Variants in RABGAP1L observed in about 807,000 individuals in gnomAD.
RABGAP1L encodes rab GTPase-activating protein 1-like.
Under a neutral mutation model 137.7 loss-of-function variants are expected in RABGAP1L, and 63 were observed. The ratio of observed to expected loss-of-function variants is 0.46; its 90% confidence interval spans 0.37 to 0.56. The LOEUF (loss-of-function observed/expected upper bound fraction) is 0.56. Ranked by LOEUF, RABGAP1L falls within the 20% of genes least tolerant of loss-of-function variation. The pLI is 0.00. For synonymous variants in RABGAP1L, 431 were observed against 433.7 expected (o/e 0.99, Z 0.08); for missense variants, 1,095 against 1,244.0 (o/e 0.88, Z 1.80).
At chr1:174,279,588 A>C (rs1449000970) in intron 10 of RABGAP1L, among the ~76,000 whole-genome samples, 4 of 152,184 alleles carry the variant, frequency 2.6e-5, no homozygotes, top group African/African-American at 7.2e-5. Context: ...TATTAAAAAA[A>C]CTGCCATGGC....
intron 11 of RABGAP1L, among the ~76,000 whole-genome samples, chr1:174,327,100 G>T (rs1242528451): frequency 6.6e-6 from 1 of 152,024 alleles, no homozygotes; most frequent in East Asian, 1.9e-4. Flanking sequence ...ATGCTACTGG[G>T]TAACATGAAA....
At chr1:174,585,074 AATAGTTTTTAATAT>A (rs1572403723) in intron 13 of RABGAP1L, among the ~76,000 whole-genome samples, 5 of 152,346 alleles carry the variant, frequency 3.3e-5, no homozygotes, top group Non-Finnish European at 7.3e-5. Context: ...GTAAAATATT[AATAGTTTTTAATAT>A]AGATTACATG....
chr1:174,591,850 CAT>C (rs1669654243), intron 13 of RABGAP1L, among the ~76,000 whole-genome samples: 1 of 1,344 alleles, frequency 7.4e-4, no homozygotes, highest in Non-Finnish European at 1.1e-3. Flanking sequence ...TTTTTGGTTC[CAT>C]ATGAACTTTA....
In RABGAP1L at chr1:174,448,842, T is replaced by C; in HGVS notation, c.1710+54697T>C. ...GAGATAAATGACCGAAGAGCCCGAT[T>C]CCCTAGTCATGAGGTAGATTCTTCC... On this transcript the variant is annotated intron_variant, in intron 13 of 25. Coordinates refer to ENST00000681986, the MANE Select transcript of RABGAP1L (RefSeq NM_001366446.1). This position sits in a 1 kb window ranked among gnomAD's most constrained non-coding sequence, Gnocchi z 4.2. The C allele has an allele frequency of 6.2e-7, 1 of 1,614,112 alleles. No individual in the cohort carries two copies. Among genetic ancestry groups the C allele is most frequent in the Non-Finnish European group, 8.5e-7 (1 of 1,179,984 alleles).
chr1:174,321,970 C>G (rs1441153929), intron 11 of RABGAP1L, among the ~76,000 whole-genome samples: 1 of 147,358 alleles, frequency 6.8e-6, no homozygotes. Context: ...TATTAGAGTT[C>G]TTTATATATA....
intron 17 of RABGAP1L, among the ~76,000 whole-genome samples, chr1:174,716,110 GTTT>G (rs754170476): frequency 2.5e-4 from 38 of 152,242 alleles, no homozygotes; most frequent in Non-Finnish European, 4.6e-4. Context: ...GTTGTTATTT[GTTT>G]TTAAGTTTAC....
At chr1:174,621,501 C>A (rs1019203942) in intron 13 of RABGAP1L, among the ~76,000 whole-genome samples, 1 of 152,124 alleles carries the variant, frequency 6.6e-6, no homozygotes, top group African/African-American at 2.4e-5. Context: ...GGTAGCAAAA[C>A]AGAGATATAG....
At chr1:174,883,076 G>A (rs1409154265) in intron 19 of RABGAP1L, among the ~76,000 whole-genome samples, 4 of 152,008 alleles carry the variant, frequency 2.6e-5, no homozygotes, top group Admixed American at 6.6e-5. Flanking sequence ...CACCTGCCTC[G>A]GCCTCCCAAA....
intron 19 of RABGAP1L, among the ~76,000 whole-genome samples, chr1:174,891,094 C>T (rs940591073): frequency 3.9e-5 from 6 of 152,112 alleles, no homozygotes; most frequent in Admixed American, 1.3e-4. Context: ...ATATAACTAC[C>T]AGCAGTGTAT....
chr1:174,329,891 T>C lies in RABGAP1L; in HGVS notation c.1465+24764T>C, dbSNP rs988627172. ...ATATTAAACAAGGAAAATTTCATAA[T>C]AATAATTTTTTTTTAAAAAAAGACT... On this transcript the variant is annotated intron_variant, in intron 11 of 25. Coordinates refer to ENST00000681986, the MANE Select transcript of RABGAP1L (RefSeq NM_001366446.1). Among the ~76,000 whole-genome samples the C allele has an allele frequency of 1.5e-4, 22 of 150,480 alleles. 1 individual carries two copies. The highest frequency in any genetic ancestry group is 4.6e-4 in the Admixed American group (7 of 15,156).
intron 18 of RABGAP1L, among the ~76,000 whole-genome samples, chr1:174,806,057 G>A (rs1218255400): frequency 6.6e-6 from 1 of 152,166 alleles, no homozygotes; most frequent in Non-Finnish European, 1.5e-5. Context: ...AGTTTTTCTA[G>A]CCTGAAGGGA....
chr1:174,850,206 G>A (rs904888077), intron 19 of RABGAP1L: 5 of 350,292 alleles, frequency 1.4e-5, no homozygotes, highest in Admixed American at 3.7e-5. Context: ...TACGCCACAC[G>A]TGGGAACACC....
chr1:174,505,865 A>G lies in RABGAP1L; in HGVS notation c.1710+111720A>G, dbSNP rs141035093. On this transcript the variant is annotated intron_variant, in intron 13 of 25. Transcript: ENST00000681986. ...TTTTCATTCCCATGTTCATTGCAGT[A>G]TTAATCACAATAGCCAGGATATGTC... 4.0e-3 allele frequency among the ~76,000 whole-genome samples: 605 copies of G among 152,358 alleles called. 1 individual carries two copies. Among genetic ancestry groups the G allele is most frequent in the Non-Finnish European group, 6.1e-3 (414 of 68,026 alleles).
chr1:174,512,623 AAGC>A (rs1662456118), intron 13 of RABGAP1L, among the ~76,000 whole-genome samples: 1 of 152,180 alleles, frequency 6.6e-6, no homozygotes, highest in African/African-American at 2.4e-5. Flanking sequence ...ACCACACTGT[AAGC>A]CTTCACTCTT....
At chr1:174,653,814 A>G (rs1284543812) in intron 14 of RABGAP1L, among the ~76,000 whole-genome samples, 4 of 152,340 alleles carry the variant, frequency 2.6e-5, no homozygotes, top group Non-Finnish European at 4.4e-5. Context: ...AAGCTATCTC[A>G]TATTTTCTTT....
intron 14 of RABGAP1L, among the ~76,000 whole-genome samples, chr1:174,647,337 T>G (rs917199581): frequency 6.6e-6 from 1 of 152,290 alleles, no homozygotes; most frequent in Non-Finnish European, 1.5e-5. Flanking sequence ...TGATATTGGC[T>G]GTGGGTCTGT....
At chr1:174,503,688 C>CA (rs1206411511) in intron 13 of RABGAP1L, among the ~76,000 whole-genome samples, 2 of 124,340 alleles carry the variant, frequency 1.6e-5, no homozygotes, top group African/African-American at 2.7e-5. Flanking sequence ...AATGTAAATA[C>CA]AAAAAAAATC....
chr1:174,175,604 G>A (rs563780561), intron 1 of RABGAP1L, among the ~76,000 whole-genome samples: 19 of 147,060 alleles, frequency 1.3e-4, no homozygotes, highest in Middle Eastern at 3.7e-3. Context: ...CTACAGGCAC[G>A]TGCCACCACG....
chr1:174,385,321 A>C (rs1464080216), intron 12 of RABGAP1L, among the ~76,000 whole-genome samples: 1 of 152,232 alleles, frequency 6.6e-6, no homozygotes, highest in Non-Finnish European at 1.5e-5. Flanking sequence ...TTGAGCTACT[A>C]GAAGACTTGC....
Sources: allele counts gnomAD v4.1 joint callset (sites outside exome capture counted in the v4.1 genomes callset), GRCh38; gene constraint gnomAD v4.1.1; non-coding constraint Gnocchi (gnomAD v3.1); transcripts MANE v1.5; gene names NCBI Gene and HGNC (gene_info 2026-07-23, HGNC 2026-07-21).